Variants in RSRP1 observed in about 807,000 individuals in gnomAD.
The protein encoded by RSRP1 is arginine and serine rich protein 1, also known as arginine/serine-rich protein 1.
A neutral mutation model predicts 33.0 loss-of-function variants in RSRP1; 37 were observed. The observed-to-expected ratio is 1.12, with a 90% CI of 0.86 to 1.48. The LOEUF is 1.48. RSRP1 is among the 40% of genes most tolerant of loss of function. RSRP1 has a pLI of 0.00. For missense variants in RSRP1, 402 were observed against 385.3 expected (o/e 1.04, Z -0.36); for synonymous variants, 167 against 158.7 (o/e 1.05, Z -0.40).
chr1:25,245,401 T>C, intron 2 of RSRP1, 100 bp from the exon 3 acceptor site: 1 of 1,391,208 alleles, frequency 7.2e-7, no homozygotes, highest in South Asian at 1.4e-5. Context: ...TTTGTGGTAT[T>C]AAATATATTA....
intron 3 of RSRP1, chr1:25,243,902 G>C (rs1474321611): frequency 8.4e-7 from 1 of 1,196,690 alleles, no homozygotes; most frequent in Non-Finnish European, 1.0e-6. Flanking sequence ...GTTGAATCAA[G>C]TTCACTTTTG....
Position 25,307,235 on chromosome 1 carries a change from C to T in RSRP1, c.-67+30743G>A, listed in dbSNP as rs1174916749. On this transcript the variant is annotated intron_variant, in intron 1 of 1. Transcript: ENST00000561867. ...TGCTAAGCACAACCCATCCCTGAGG[C>T]CCAGAGAGGGGTGGGCCTTGGCTGA... Among the ~76,000 whole-genome samples the T allele has an allele frequency of 2.3e-5, 3 of 131,864 alleles. 1 individual carries two copies. The highest frequency in any genetic ancestry group is 7.8e-5 in the African/African-American group (3 of 38,290). 86.5% of individuals were successfully genotyped at this position (131,864 alleles called of 152,430 possible). A position where few individuals can be genotyped will look rare whatever the true frequency, so the allele number is the denominator to read the frequency against.
intron 1 of RSRP1, among the ~76,000 whole-genome samples, chr1:25,263,925 G>A (rs1640237668): frequency 6.6e-6 from 1 of 152,004 alleles, no homozygotes; most frequent in South Asian, 2.1e-4. Flanking sequence ...AGAGGCTACA[G>A]GCCCATGAGA....
chr1:25,244,716 G>T, intron 3 of RSRP1: 1 of 1,177,714 alleles, frequency 8.5e-7, no homozygotes, highest in Non-Finnish European at 1.1e-6. Flanking sequence ...ACAGGGTCTC[G>T]CTCTGCTGCC....
Position 25,263,242 on chromosome 1 carries a change from TGAG to T in RSRP1, c.-66-16216_-66-16214del, listed in dbSNP as rs200202413. Among the ~76,000 whole-genome samples, 1,052 of 151,336 alleles carry T rather than the reference TGAG, an allele frequency of 7.0e-3. 8 individuals carry two copies. Among genetic ancestry groups the T allele is most frequent in the African/African-American group, 0.023 (953 of 41,244 alleles). ...AGAGACGGATAAGTGATCTAACTCC[TGAG>T]GAGGTGGCCTGGCCAGGAGCTAGAG... On this transcript the variant is annotated intron_variant, in intron 1 of 1. Transcript: ENST00000561867.
At chr1:25,268,604 A>G (rs1557503666) in intron 1 of RSRP1, among the ~76,000 whole-genome samples, 1 of 130,922 alleles carries the variant, frequency 7.6e-6, no homozygotes, top group Non-Finnish European at 1.8e-5. Context: ...GAACACAAGG[A>G]ACCCTTGTCA....
At chr1:25,309,990 A>T (rs528225359) in intron 1 of RSRP1, among the ~76,000 whole-genome samples, 1 of 132,590 alleles carries the variant, frequency 7.5e-6, no homozygotes, top group Non-Finnish European at 1.8e-5. Flanking sequence ...AAAAAACCCC[A>T]AAAAACCCAA....
chr1:25,244,903 T>A, intron 3 of RSRP1: 2 of 1,324,120 alleles, frequency 1.5e-6, no homozygotes, highest in Non-Finnish European at 9.8e-7. Flanking sequence ...AGGCTAGTCT[T>A]GAACTCCTGG....
At chr1:25,297,050 T>C (rs1285600335) in intron 1 of RSRP1, among the ~76,000 whole-genome samples, 1 of 131,110 alleles carries the variant, frequency 7.6e-6, no homozygotes, top group African/African-American at 2.6e-5. Context: ...CTCAATAATA[T>C]CTTTTCTAGA....
chr1:25,295,303 A>G (rs1337305549), intron 1 of RSRP1, among the ~76,000 whole-genome samples: 1 of 108,774 alleles, frequency 9.2e-6, no homozygotes, highest in Non-Finnish European at 2.2e-5. Flanking sequence ...GCTACTTCCT[A>G]GGGCTGTTGT....
At chr1:25,245,698 A>C (rs1639319576) in intron 2 of RSRP1, among the ~76,000 whole-genome samples, 1 of 152,154 alleles carries the variant, frequency 6.6e-6, no homozygotes, top group Non-Finnish European at 1.5e-5. Context: ...CTCAACAATT[A>C]GTTTTGTTTT....
At chr1:25,261,885 T>C (rs1400108333) in intron 1 of RSRP1, among the ~76,000 whole-genome samples, 1 of 151,548 alleles carries the variant, frequency 6.6e-6, no homozygotes, top group East Asian at 1.9e-4. Flanking sequence ...CTACTTTTTG[T>C]ATTTTTAGTA....
chr1:25,263,343 T>C (rs532990429), intron 1 of RSRP1, among the ~76,000 whole-genome samples: 1 of 151,968 alleles, frequency 6.6e-6, no homozygotes, highest in East Asian at 1.9e-4. Flanking sequence ...AACCCGAGAC[T>C]AGGCAATTTA....
chr1:25,314,973 G>C (rs1644359338), intron 1 of RSRP1, among the ~76,000 whole-genome samples: 1 of 130,238 alleles, frequency 7.7e-6, no homozygotes, highest in Admixed American at 7.5e-5. Context: ...GGGAGGCTGA[G>C]GCTGGCGGAT....
chr1:25,309,841 C>G (rs1644047333), intron 1 of RSRP1, among the ~76,000 whole-genome samples: 1 of 132,636 alleles, frequency 7.5e-6, no homozygotes, highest in African/African-American at 2.6e-5. Context: ...CAGGGGAGAC[C>G]CTGTGCAGGG....
intron 1 of RSRP1, among the ~76,000 whole-genome samples, chr1:25,331,472 G>A (rs185737888): frequency 2.3e-5 from 3 of 131,656 alleles, no homozygotes; most frequent in East Asian, 2.0e-4. Flanking sequence ...AGATAATTTC[G>A]TGATTACTGT....
intron 1 of RSRP1, among the ~76,000 whole-genome samples, chr1:25,297,285 G>A (rs561534377): frequency 5.3e-5 from 5 of 94,538 alleles, no homozygotes; most frequent in African/African-American, 1.4e-4. Context: ...TCCAAGAGCC[G>A]TGTGTGCCCT....
chr1:25,332,065 G>C lies in RSRP1; in HGVS notation c.-67+5913C>G, dbSNP rs748465843. Among the ~76,000 whole-genome samples the C allele has an allele frequency of 2.6e-5, 3 of 115,684 alleles. 1 individual carries two copies. The highest frequency in any genetic ancestry group is 4.0e-5 in the Non-Finnish European group (2 of 49,662). The allele number at this position is 115,684 out of a possible 152,430, so 75.9% of individuals were successfully genotyped here. On this transcript the variant is annotated intron_variant, in intron 1 of 1. Coordinates refer to the RSRP1 transcript ENST00000561867. ...GATTTTTTTTTTTTTTTTTGAGATG[G>C]AGTCTTGCTCTGTTGCCCAACCTGG...
At chr1:25,247,240 G>C (rs1171595395) in intron 1 of RSRP1, 69 bp downstream of exon 1, 1 of 422,120 alleles carries the variant, frequency 2.4e-6, no homozygotes, top group Non-Finnish European at 4.2e-6. Flanking sequence ...GGCCCGGCAC[G>C]TTTCCCGTCC....
Sources: gnomAD v4.1 joint callset for allele counts (sites outside exome capture counted in the v4.1 genomes callset) on GRCh38, gnomAD v4.1.1 for gene constraint, MANE v1.5 for transcripts, NCBI Gene and HGNC (gene_info 2026-07-23, HGNC 2026-07-21) for gene names.